TERB1: variants seen among roughly 807,000 people sequenced by gnomAD.
TERB1 encodes the protein telomere repeat binding bouquet formation protein 1, also known as telomere repeats-binding bouquet formation protein 1.
In TERB1, 63 loss-of-function variants were observed where a neutral mutation model predicts 92.3. That is an observed-to-expected ratio of 0.68 (90% CI 0.56 to 0.84). The LOEUF is 0.84. TERB1 is among the 40% of genes least tolerant of loss of function. TERB1 has a pLI of 0.00. For missense variants in TERB1, 709 were observed against 843.7 expected (o/e 0.84, Z 1.98); for synonymous variants, 252 against 283.9 (o/e 0.89, Z 1.13).
chr16:66,760,969 A>C (rs1426768900), intron 16 of TERB1, among the ~76,000 whole-genome samples: 1 of 143,042 alleles, frequency 7.0e-6, no homozygotes, highest in Non-Finnish European at 1.5e-5. Flanking sequence ...AAAATTAGCC[A>C]GGCATGGTGG....
chr16:66,761,939 G>A (rs1012814481), intron 16 of TERB1, among the ~76,000 whole-genome samples: 1 of 152,160 alleles, frequency 6.6e-6, no homozygotes, highest in African/African-American at 2.4e-5. Context: ...TGTAATCCCA[G>A]CTACTCGGGA....
At chr16:66,790,860 A>T in intron 4 of TERB1, 49 bp downstream of exon 4, 3 of 1,411,300 alleles carry the variant, frequency 2.1e-6, no homozygotes, top group Non-Finnish European at 2.9e-6. Context: ...GATATATCAG[A>T]GTACTAAAGA....
At chr16:66,773,766 ACTGT>A (rs1211879053) in intron 12 of TERB1, among the ~76,000 whole-genome samples, 2 of 152,192 alleles carry the variant, frequency 1.3e-5, no homozygotes, top group South Asian at 2.1e-4. Flanking sequence ...TTTTTGAGTT[ACTGT>A]CTATTTCTGT....
intron 15 of TERB1, 138 bp from the exon 16 acceptor site, chr16:66,767,648 G>T: frequency 1.8e-6 from 1 of 561,454 alleles, no homozygotes; most frequent in East Asian, 3.2e-5. Context: ...TAAACAGAAA[G>T]ATTCTGGATC....
At chr16:66,788,591 CA>C (rs80141541) in intron 5 of TERB1, among the ~76,000 whole-genome samples, 1,504 of 117,746 alleles carry the variant, frequency 0.013, 24 homozygotes, top group African/African-American at 0.042. Context: ...TAAAATTTAG[CA>C]AAAAAAAAAA....
Position 66,754,936 on chromosome 16 carries a change from TTTTAAGAATCCAAACTA to T in TERB1, c.*23_*39del. On this transcript the variant is annotated 3_prime_UTR_variant, in exon 19 of 19. Transcript: ENST00000433154. ...TAAATGTATCTTTCAAGGCACTGTA[TTTTAAGAATCCAAACTA>T]AAAACTGACAGTCTTCTTTCAATCA... 1 of 1,505,766 alleles carries T rather than the reference TTTTAAGAATCCAAACTA, an allele frequency of 6.6e-7. No individual in the cohort carries two copies. The highest frequency in any genetic ancestry group is 1.3e-5 in the South Asian group (1 of 78,608). The allele number at this position is 1,505,766 out of a possible 1,614,324, so 93.3% of individuals were successfully genotyped here. A position where few individuals can be genotyped will look rare whatever the true frequency, so the allele number is the denominator to read the frequency against.
At chr16:66,786,554 G>A (rs3026080) in intron 6 of TERB1, among the ~76,000 whole-genome samples, 2 of 152,210 alleles carry the variant, frequency 1.3e-5, no homozygotes, top group South Asian at 2.1e-4. Context: ...GCAGTATCAA[G>A]ATAAGTTCCA....
In TERB1 at chr16:66,800,481, C is replaced by G. The variant is rs1389160006; in HGVS notation, c.-33+496G>C. Among the ~76,000 whole-genome samples the G allele has an allele frequency of 2.7e-5, 4 of 150,226 alleles. No homozygotes were observed. In the South Asian group the frequency reaches 8.5e-4, roughly 32 times the overall value. ...TCTTGGCTCACTGCAACCTCCGCCTCCCGGGTTCAAGCGACTCTCCTGCCT... is the reference window on the plus strand; with the variant it reads ...TCTTGGCTCACTGCAACCTCCGCCTGCCGGGTTCAAGCGACTCTCCTGCCT... On this transcript the variant is annotated intron_variant, in intron 2 of 18. Transcript: ENST00000433154.
chr16:66,767,791 G>T (rs2018375487), intron 15 of TERB1, among the ~76,000 whole-genome samples: 1 of 151,798 alleles, frequency 6.6e-6, no homozygotes, highest in Non-Finnish European at 1.5e-5. Flanking sequence ...GCAGTGGCAT[G>T]ATCTCGGCTC....
rs1378963098 is a variant in TERB1, at chr16:66,778,888, A to G, written c.828T>C (p.Thr276=). The G allele has an allele frequency of 1.3e-6, 2 of 1,514,586 alleles. No homozygotes were observed. The highest frequency in any genetic ancestry group is 1.8e-6 in the Non-Finnish European group (2 of 1,121,152). 93.8% of individuals were successfully genotyped at this position (1,514,586 alleles called of 1,614,324 possible). Residue 276 remains threonine (T), a synonymous_variant, in exon 10 of 19, where the codon ACT becomes ACC. Transcript: ENST00000433154. ...GATTATCAGCAATGCATGCATCCAC[A>G]GTCTTCGTCACAACCACTGCAAGTT... ...SAKLAVVVTK[T]VDACIADNPT...
At chr16:66,761,807 C>A (rs768243787) in intron 16 of TERB1, among the ~76,000 whole-genome samples, 1 of 152,190 alleles carries the variant, frequency 6.6e-6, no homozygotes, top group Admixed American at 6.5e-5. Context: ...GTAATCCCAG[C>A]ACTTTGGGAG....
At chr16:66,775,361 C>T (rs1047796181) in intron 11 of TERB1, 118 bp from the exon 12 acceptor site, 11 of 876,726 alleles carry the variant, frequency 1.3e-5, no homozygotes, top group Middle Eastern at 3.3e-4. Context: ...AGGCCAGGAA[C>T]GGTGGCTCAC....
At chr16:66,787,073 C>T (rs191818262) in intron 6 of TERB1, among the ~76,000 whole-genome samples, 3 of 152,214 alleles carry the variant, frequency 2.0e-5, no homozygotes, top group Admixed American at 6.5e-5. Flanking sequence ...GCTGGGGTTA[C>T]AGATGTGACC....
intron 5 of TERB1, among the ~76,000 whole-genome samples, chr16:66,790,066 A>G (rs1245158169): frequency 1.3e-5 from 2 of 152,152 alleles, no homozygotes; most frequent in African/African-American, 4.8e-5. Context: ...GTCTGACAAA[A>G]CAATGGTTTA....
At chr16:66,794,136 A>G (rs751452761) in intron 3 of TERB1, among the ~76,000 whole-genome samples, 46 of 151,796 alleles carry the variant, frequency 3.0e-4, no homozygotes, top group Admixed American at 1.6e-3. Flanking sequence ...GTCTCACTAT[A>G]TTGCCCAGGC....
At chr16:66,764,548 TAAG>T (rs2018306368) in intron 16 of TERB1, among the ~76,000 whole-genome samples, 1 of 152,094 alleles carries the variant, frequency 6.6e-6, no homozygotes, top group African/African-American at 2.4e-5. Context: ...AAGCACATAT[TAAG>T]AAGATAAGTT....
At chr16:66,774,216 T>C (rs1454253784) in intron 12 of TERB1, among the ~76,000 whole-genome samples, 1 of 141,090 alleles carries the variant, frequency 7.1e-6, no homozygotes, top group Non-Finnish European at 1.5e-5. Context: ...GACAGAGTCT[T>C]GCTCCGTCGC....
At chr16:66,783,807 C>A (rs552439363) in intron 9 of TERB1, among the ~76,000 whole-genome samples, 4 of 152,288 alleles carry the variant, frequency 2.6e-5, no homozygotes, top group Admixed American at 2.6e-4. Flanking sequence ...TAATAGCACA[C>A]TATACCCTTG....
chr16:66,796,902 G>T, intron 2 of TERB1, 72 bp from the exon 3 acceptor site: 1 of 718,470 alleles, frequency 1.4e-6, no homozygotes. Context: ...ACAAATGGGC[G>T]GGAAAAATTG....
Sources: gnomAD v4.1 joint callset for allele counts (sites outside exome capture counted in the v4.1 genomes callset) on GRCh38, gnomAD v4.1.1 for gene constraint, MANE v1.5 for transcripts, NCBI Gene and HGNC (gene_info 2026-07-23, HGNC 2026-07-21) for gene names.